The following PCDH11X variants were observed in gnomAD, a reference collection of about 807,000 sequenced individuals.
PCDH11X encodes the protein protocadherin 11 X-linked.
A neutral mutation model predicts 53.3 loss-of-function variants in PCDH11X; 18 were observed. The ratio of observed to expected loss-of-function variants is 0.34; its 90% confidence interval spans 0.23 to 0.50. The LOEUF (loss-of-function observed/expected upper bound fraction) is 0.50. PCDH11X is among the 20% of genes least tolerant of loss of function. PCDH11X has a pLI of 0.98. For synonymous variants in PCDH11X, 279 were observed against 393.3 expected (o/e 0.71, Z 3.44); for missense variants, 570 against 1,032.4 (o/e 0.55, Z 6.14).
intron 9 of PCDH11X, among the ~76,000 whole-genome samples, chrX:92,422,809 G>A (rs1211354515): frequency 2.7e-5 from 3 of 109,594 alleles, no homozygotes; most frequent in Non-Finnish European, 3.8e-5. Context: ...CCACATCCAC[G>A]CCAACGTCTA....
At chrX:92,399,842 C>T (rs1391065493) in intron 9 of PCDH11X, among the ~76,000 whole-genome samples, 1 of 108,935 alleles carries the variant, frequency 9.2e-6, no homozygotes, top group Non-Finnish European at 1.9e-5. Flanking sequence ...CCTGGGTTCA[C>T]GCCATTCTCC....
At chrX:92,328,051 C>T (rs1258040931) in intron 8 of PCDH11X, among the ~76,000 whole-genome samples, 1 of 108,291 alleles carries the variant, frequency 9.2e-6, no homozygotes, top group Non-Finnish European at 1.9e-5. Context: ...CCTGAAACAA[C>T]AAAGAAACCA....
In PCDH11X at chrX:91,987,596, C is replaced by T. The variant is rs1377929758; in HGVS notation, c.3033+108323C>T. ...TATTACAAATGATTCATACTATCCA[C>T]TATGAAGATTTTACATTGTATGATG... On this transcript the variant is annotated intron_variant, in intron 6 of 10. Transcript: ENST00000682573. 6.3e-5 allele frequency among the ~76,000 whole-genome samples: 7 copies of T among 111,113 alleles called. No homozygotes were observed. The East Asian group carries it at 2.0e-3, about 31-fold the overall frequency.
At chrX:92,246,190 T>G (rs1022581000) in intron 7 of PCDH11X, among the ~76,000 whole-genome samples, 37 of 111,945 alleles carry the variant, frequency 3.3e-4, no homozygotes, top group African/African-American at 1.2e-3. Flanking sequence ...CTCATAATTA[T>G]TCATGCATAT....
At chrX:92,277,643 G>T (rs1387568388) in intron 8 of PCDH11X, among the ~76,000 whole-genome samples, 3 of 108,971 alleles carry the variant, frequency 2.8e-5, no homozygotes, top group Non-Finnish European at 3.8e-5. Flanking sequence ...ATGGAAATAA[G>T]GGATGGGGCA....
intron 6 of PCDH11X, among the ~76,000 whole-genome samples, chrX:92,125,893 G>C (rs747168632): frequency 1.8e-5 from 2 of 110,357 alleles, no homozygotes; most frequent in Admixed American, 2.0e-4. Flanking sequence ...TTGGGAGGCC[G>C]AGGCAGGTGG....
In PCDH11X at chrX:92,325,525, A is replaced by G. The variant is rs748840420; in HGVS notation, c.3145-62210A>G. On this transcript the variant is annotated intron_variant, in intron 8 of 10. Transcript: ENST00000682573. Reference sequence around the variant, plus strand: ...CGTTCTAATTTAGGTACCAAAACTTATTTTAAATGACATTTTCAGCCAAAT... The same window carrying G: ...CGTTCTAATTTAGGTACCAAAACTTGTTTTAAATGACATTTTCAGCCAAAT... Among the ~76,000 whole-genome samples the G allele has an allele frequency of 7.2e-5, 8 of 111,538 alleles. No homozygotes were observed. The South Asian group carries it at 2.6e-3, about 37-fold the overall frequency.
chrX:91,824,348 A>C (rs969831757), intron 4 of PCDH11X, among the ~76,000 whole-genome samples: 6 of 110,052 alleles, frequency 5.5e-5, no homozygotes, highest in African/African-American at 2.0e-4. Flanking sequence ...ACATAGTCCC[A>C]TATTTCTTGG....
chrX:92,604,037 T>C (rs1926522394), intron 10 of PCDH11X, among the ~76,000 whole-genome samples: 1 of 107,437 alleles, frequency 9.3e-6, no homozygotes, highest in South Asian at 3.9e-4. Flanking sequence ...CTATAACATA[T>C]AGAAATTCAT....
chrX:92,141,806 T>C (rs922547481), intron 6 of PCDH11X, among the ~76,000 whole-genome samples: 1 of 111,692 alleles, frequency 9.0e-6, no homozygotes, highest in Admixed American at 9.6e-5. Flanking sequence ...AAACTTGATA[T>C]AGTTAATTCC....
At chrX:92,117,309 ACC>A (rs2148170217) in intron 6 of PCDH11X, among the ~76,000 whole-genome samples, 1 of 109,162 alleles carries the variant, frequency 9.2e-6, no homozygotes, top group African/African-American at 3.3e-5. Flanking sequence ...GGTGGCGGAC[ACC>A]TATAATCCCA....
At chrX:92,036,528 T>C (rs1053539861) in intron 6 of PCDH11X, among the ~76,000 whole-genome samples, 1 of 108,710 alleles carries the variant, frequency 9.2e-6, no homozygotes, top group Non-Finnish European at 1.9e-5. Flanking sequence ...ATGTGAGATA[T>C]GCCCTTCACC....
chrX:92,049,772 T>C (rs2063340498), intron 6 of PCDH11X, among the ~76,000 whole-genome samples: 1 of 111,331 alleles, frequency 9.0e-6, no homozygotes, highest in African/African-American at 3.3e-5. Flanking sequence ...GCGTGGTTTT[T>C]TGTTTGTTTG....
At chrX:92,130,235 C>T (rs1158978245) in intron 6 of PCDH11X, among the ~76,000 whole-genome samples, 2 of 111,249 alleles carry the variant, frequency 1.8e-5, no homozygotes, top group Admixed American at 1.9e-4. Context: ...CACTTATTTA[C>T]TCCTATATTT....
chrX:92,180,763 G>A (rs1246998244), intron 6 of PCDH11X, among the ~76,000 whole-genome samples: 1 of 111,805 alleles, frequency 8.9e-6, no homozygotes, highest in Admixed American at 9.5e-5. Context: ...CTCGCTCTTT[G>A]CGAACTGTGA....
chrX:91,857,590 A>G (rs1183459499), intron 5 of PCDH11X, among the ~76,000 whole-genome samples: 1 of 112,200 alleles, frequency 8.9e-6, no homozygotes, highest in Non-Finnish European at 1.9e-5. Flanking sequence ...CATTGGGTAA[A>G]TACACCCATT....
At chrX:91,863,649 TG>T (rs1201214713) in intron 5 of PCDH11X, among the ~76,000 whole-genome samples, 1 of 111,583 alleles carries the variant, frequency 9.0e-6, no homozygotes, top group East Asian at 2.8e-4. Flanking sequence ...ATTTGTTTCC[TG>T]GTTGTTTTGT....
intron 6 of PCDH11X, among the ~76,000 whole-genome samples, chrX:92,121,213 T>G (rs1183013555): frequency 9.1e-6 from 1 of 109,987 alleles, no homozygotes; most frequent in African/African-American, 3.3e-5. Context: ...TGGAGTGCAG[T>G]GGCGTGATCT....
At chrX:92,151,317 C>A (rs752052400) in intron 6 of PCDH11X, among the ~76,000 whole-genome samples, 1 of 110,108 alleles carries the variant, frequency 9.1e-6, no homozygotes, top group Non-Finnish European at 1.9e-5. Context: ...CTCAGCCTTC[C>A]GAGTAGCTGG....
Sources: allele counts gnomAD v4.1 joint callset (sites outside exome capture counted in the v4.1 genomes callset), GRCh38; gene constraint gnomAD v4.1.1; transcripts MANE v1.5; gene names NCBI Gene and HGNC (gene_info 2026-07-23, HGNC 2026-07-21).